Variants in RNF44 observed in about 807,000 individuals in gnomAD.
RNF44 encodes ring finger protein 44.
Under a neutral mutation model 53.6 loss-of-function variants are expected in RNF44, and 25 were observed. The observed-to-expected ratio is 0.47, with a 90% CI of 0.34 to 0.65. The LOEUF is 0.65. RNF44 is among the 30% of genes least tolerant of loss of function. The pLI, the probability that RNF44 is intolerant of heterozygous loss-of-function variation, is 0.01. For missense variants in RNF44, 581 were observed against 595.5 expected (o/e 0.98, Z 0.25); for synonymous variants, 282 against 252.2 (o/e 1.12, Z -1.12).
At position 176,532,469 on chromosome 5, in the gene RNF44, G is replaced by A. The variant is rs1223200788; in HGVS notation, c.4C>T (p.Arg2Ter). 1.3e-6 allele frequency: 2 copies of A among 1,569,512 alleles called. No individual in the cohort carries two copies. The highest frequency in any genetic ancestry group is 1.8e-5 in the Admixed American group (1 of 56,976). The stretch of plus-strand genomic sequence containing the variant: ...CTAGTCACTGCCAGAGCCCATGGTC[G>A]CATCGGGGGGGCAGGGGGGTGGAGG... The part of the protein sequence containing the change: M[R>*]PWALAVTRWP... The change falls in exon 2 of 11, where the codon CGA (arginine) becomes TGA (stop). Residue 2 changes from arginine (R) to a stop codon, truncating the protein, a stop_gained. Coordinates refer to ENST00000274811, the MANE Select transcript of RNF44 (RefSeq NM_014901.5). LOFTEE classifies it high-confidence loss of function.
Position 176,529,601 on chromosome 5 carries a change from C to A in RNF44, c.1058G>T (p.Arg353Leu), listed in dbSNP as rs753525594. ...CTCTATGTCTGCTTTGGTGAGACCCCGGGGCTTGGCATCTCCCAGCCGCTC... is the reference window on the plus strand; with the variant it reads ...CTCTATGTCTGCTTTGGTGAGACCCAGGGGCTTGGCATCTCCCAGCCGCTC... The part of the protein sequence containing the change: ...LAERLGDAKP[R>L]GLTKADIEQL... The change falls in exon 9 of 11, where the codon CGG becomes CTG. Residue 353 changes from arginine to leucine, a missense_variant. Physicochemically the swap from Arg to Leu is moderately radical, Grantham distance 102. Coordinates refer to ENST00000274811, the MANE Select transcript of RNF44 (RefSeq NM_014901.5). 6.2e-7 allele frequency: 1 copy of A among 1,613,940 alleles called. No individual in the cohort carries two copies. The highest frequency in any genetic ancestry group is 8.5e-7 in the Non-Finnish European group (1 of 1,180,024).
In RNF44 at chr5:176,528,596, C is replaced by T; in HGVS notation, c.*432G>A. 1 of 195,080 alleles carries T rather than the reference C, an allele frequency of 5.1e-6. No individual in the cohort carries two copies. The highest frequency in any genetic ancestry group is 2.3e-5 in the African/African-American group (1 of 42,614). 12.1% of individuals were successfully genotyped at this position (195,080 alleles called of 1,614,324 possible). ...TGACACCGTCTGTCTACGCACCTGG[C>T]AGTGCCACCTGGGCAGAGGGCACGC... is the stretch of plus-strand genomic sequence containing the variant. On this transcript the variant is annotated 3_prime_UTR_variant, in exon 11 of 11. Coordinates refer to ENST00000274811, the MANE Select transcript of RNF44 (RefSeq NM_014901.5).
At position 176,532,024 on chromosome 5, in the gene RNF44, T is replaced by A. The variant is rs201280395; in HGVS notation, c.277A>T (p.Met93Leu). Reference sequence around the variant, plus strand: ...CCTACCTGCTCGTGGAGATCAACCATGAACGGGCTCTGCTGGGTGGCTGGG... The same window carrying A: ...CCTACCTGCTCGTGGAGATCAACCAAGAACGGGCTCTGCTGGGTGGCTGGG... ...LHPATQQSPF[M>L]VDLHEQVHQG... Residue 93 changes from methionine to leucine, a missense_variant, in exon 3 of 11, where the codon ATG (methionine) becomes TTG (leucine). Physicochemically the swap from Met to Leu is conservative, Grantham distance 15. Coordinates refer to ENST00000274811, the MANE Select transcript of RNF44 (RefSeq NM_014901.5). 1 of 1,611,148 alleles carries A rather than the reference T, an allele frequency of 6.2e-7. No individual in the cohort carries two copies. Among genetic ancestry groups the A allele is most frequent in the Non-Finnish European group, 8.5e-7 (1 of 1,178,694 alleles).
At position 176,531,809 on chromosome 5, in the gene RNF44, C is replaced by T. The variant is rs1009933420; in HGVS notation, c.298-179G>A. 9 of 864,108 alleles carry T rather than the reference C, an allele frequency of 1.0e-5. No individual in the cohort carries two copies. The highest frequency in any genetic ancestry group is 6.8e-5 in the African/African-American group (4 of 58,448). 53.5% of individuals were successfully genotyped at this position (864,108 alleles called of 1,614,324 possible). On this transcript the variant is annotated intron_variant, in intron 3 of 10. Transcript: ENST00000274811. This position sits in a 1 kb window ranked among gnomAD's most constrained non-coding sequence, Gnocchi z 4.2. Reference sequence around the variant, plus strand: ...CAGGCCCCCGGGGCAGAGAAAGCCCCGTGGGAATCTAGCTCTGCTAGTCAC... The same window carrying T: ...CAGGCCCCCGGGGCAGAGAAAGCCCTGTGGGAATCTAGCTCTGCTAGTCAC...
chr5:176,530,117 T>TGGG lies in RNF44; in HGVS notation c.888_890dup (p.Pro299dup). The TGGG allele has an allele frequency of 8.0e-6, 1 of 125,170 alleles. No homozygotes were observed. The highest frequency in any genetic ancestry group is 9.2e-6 in the Non-Finnish European group (1 of 108,260). 7.8% of individuals were successfully genotyped at this position (125,170 alleles called of 1,614,324 possible). On this transcript the variant is annotated inframe_insertion, in exon 7 of 11. Coordinates refer to ENST00000274811, the MANE Select transcript of RNF44 (RefSeq NM_014901.5). Reference sequence around the variant, plus strand: ...GCAGGAAGCTGGGGTAGTAGGGTGGTGGGGGTGGGGGTGGGGGCGGCGGGG... The same window carrying TGGG: ...GCAGGAAGCTGGGGTAGTAGGGTGGTGGGGGGGGTGGGGGTGGGGGCGGCGGGG...
At position 176,529,371 on chromosome 5, in the gene RNF44, T is replaced by C. The variant is rs1260075828; in HGVS notation, c.1153A>G (p.Ser385Gly). Residue 385 changes from serine (S) to glycine (G), a missense_variant, in exon 10 of 11, where the codon AGT becomes GGT. Around this residue, in one of 3 missense-constraint regions of RNF44, gnomAD observed 183 missense variants for 198.6 expected, o/e 0.92. Transcript: ENST00000274811. ...SEQTLCVVCF[S>G]DFEARQLLRV... ...AGCAGCTGCCGCGCCTCGAAGTCAC[T>C]GAAGCAGACCACACACCTGTGGAGG... 1.2e-6 allele frequency: 2 copies of C among 1,613,200 alleles called. No individual in the cohort carries two copies. Among genetic ancestry groups the C allele is most frequent in the African/African-American group, 2.7e-5 (2 of 74,932 alleles).
At chr5:176,535,836 T>C (rs559601833) in intron 1 of RNF44, among the ~76,000 whole-genome samples, 1 of 152,300 alleles carries the variant, frequency 6.6e-6, no homozygotes, top group South Asian at 2.1e-4. Context: ...CACATCTCCA[T>C]GCTGTCCTAT....
chr5:176,538,181 G>T (rs766066817), upstream of RNF44, among the ~76,000 whole-genome samples: 110 of 152,236 alleles, frequency 7.2e-4, no homozygotes, highest in Non-Finnish European at 1.3e-3. Context: ...GGCTGGGCTT[G>T]AGAGTTTGGT....
chr5:176,542,039 G>A (rs537296781), upstream of RNF44, among the ~76,000 whole-genome samples: 5 of 148,094 alleles, frequency 3.4e-5, no homozygotes, highest in Admixed American at 6.6e-5. Flanking sequence ...GTGGCTGTGC[G>A]TGCAGATGGC....
intron 1 of RNF44, chr5:176,536,147 A>G (rs1327432227): frequency 1.3e-5 from 2 of 152,200 alleles, no homozygotes; most frequent in Admixed American, 1.3e-4. Context: ...ACCCGAAACA[A>G]GCAGGCTCTG....
At chr5:176,529,494 A>G in intron 9 of RNF44, 29 bp downstream of exon 9, 1 of 1,612,970 alleles carries the variant, frequency 6.2e-7, no homozygotes, top group African/African-American at 1.3e-5. Flanking sequence ...CTGTGTTCAG[A>G]GGGGTGGGAG....
At chr5:176,535,071 G>A (rs988622481) in intron 1 of RNF44, among the ~76,000 whole-genome samples, 2 of 152,220 alleles carry the variant, frequency 1.3e-5, no homozygotes, top group African/African-American at 4.8e-5. Flanking sequence ...AAGCAAGCCA[G>A]GAGACAGAAG....
rs1275588471 is a variant in RNF44, at chr5:176,528,861, G to C, written c.*167C>G. 2 of 648,788 alleles carry C rather than the reference G, an allele frequency of 3.1e-6. No homozygotes were observed. The highest frequency in any genetic ancestry group is 5.5e-5 in the East Asian group (2 of 36,384). 40.2% of individuals were successfully genotyped at this position (648,788 alleles called of 1,614,324 possible). A position where few individuals can be genotyped will look rare whatever the true frequency, so the allele number is the denominator to read the frequency against. ...TCTTTGGAGCTTGGCAAATGCAGGG[G>C]CTTATTGCAGGGACTCCTCGCTGGG... On this transcript the variant is annotated 3_prime_UTR_variant, in exon 11 of 11. Coordinates refer to ENST00000274811, the MANE Select transcript of RNF44 (RefSeq NM_014901.5).
At chr5:176,532,618 C>T in intron 1 of RNF44, 102 bp from the exon 2 acceptor site, 1 of 1,025,748 alleles carries the variant, frequency 9.7e-7, no homozygotes, top group Non-Finnish European at 1.4e-6. Flanking sequence ...TGGTGGACAC[C>T]TGTAATCCCA....
chr5:176,531,509 A>G lies in RNF44; in HGVS notation c.419T>C (p.Val140Ala), dbSNP rs1319476842. ...GGGGTAATGCTGCCCACTGAACATC[A>G]CGGAGCATGCTGGGAGCTGCTGGGC... is the stretch of plus-strand genomic sequence containing the variant. Reference protein sequence around the residue: ...CSAQQLPACSVMFSGQHYPLC... With the variant: ...CSAQQLPACSAMFSGQHYPLC... Residue 140 changes from valine to alanine, a missense_variant, in exon 4 of 11, where the codon GTG (valine) becomes GCG (alanine). Physicochemically the swap from Val to Ala is moderately conservative, Grantham distance 64. Around this residue, in one of 3 missense-constraint regions of RNF44, gnomAD observed 387 missense variants for 366.0 expected, o/e 1.06. Coordinates refer to ENST00000274811, the MANE Select transcript of RNF44 (RefSeq NM_014901.5). The surrounding 1 kb of genome is among the most constrained non-coding windows in gnomAD (Gnocchi z 4.2). 2 of 1,600,396 alleles carry G rather than the reference A, an allele frequency of 1.2e-6. No individual in the cohort carries two copies. Among genetic ancestry groups the G allele is most frequent in the Admixed American group, 1.7e-5 (1 of 57,714 alleles).
rs1219816722 is a variant in RNF44, at chr5:176,528,970, C to A, written c.*58G>T. On this transcript the variant is annotated 3_prime_UTR_variant, in exon 11 of 11. Transcript: ENST00000274811. Reference sequence around the variant, plus strand: ...CTCCCTCCCCATCCTCCCTGGGCCCCACCCACAAGTTTCCAGAGCTTCAGG... The same window carrying A: ...CTCCCTCCCCATCCTCCCTGGGCCCAACCCACAAGTTTCCAGAGCTTCAGG... The A allele has an allele frequency of 6.5e-7, 1 of 1,545,788 alleles. No individual in the cohort carries two copies. Among genetic ancestry groups the A allele is most frequent in the African/African-American group, 1.4e-5 (1 of 73,820 alleles).
chr5:176,536,383 G>C (rs370366831), intron 1 of RNF44: 3 of 152,388 alleles, frequency 2.0e-5, no homozygotes, highest in Non-Finnish European at 4.4e-5. Context: ...ACACTAGTGG[G>C]GGAGGAAACC....
At chr5:176,540,465 T>C (rs564467838), upstream of RNF44, among the ~76,000 whole-genome samples, 1 of 152,368 alleles carries the variant, frequency 6.6e-6, no homozygotes, top group East Asian at 1.9e-4. Flanking sequence ...AAATCCTGCT[T>C]ATGCTTTGGG....
At position 176,532,082 on chromosome 5, in the gene RNF44, C is replaced by T. The variant is rs759062275; in HGVS notation, c.219G>A (p.Ser73=). 6.2e-6 allele frequency: 10 copies of T among 1,604,166 alleles called. No homozygotes were observed. The highest frequency in any genetic ancestry group is 5.4e-5 in the African/African-American group (4 of 74,638). ...PHLPVEERRA[S]APAGGSPRML... is the part of the protein sequence containing the mutation. ...TTCGGGGGCTCCCGCCGGCAGGAGC[C>T]GAGGCTCGGCGCTCCTCTACGGGGA... The change falls in exon 3 of 11, where the codon TCG becomes TCA. Residue 73 remains serine (S), a synonymous_variant. Coordinates refer to ENST00000274811, the MANE Select transcript of RNF44 (RefSeq NM_014901.5).
Sources: allele counts gnomAD v4.1 joint callset (sites outside exome capture counted in the v4.1 genomes callset), GRCh38; gene constraint gnomAD v4.1.1; regional missense constraint gnomAD v4.1.1; non-coding constraint Gnocchi (gnomAD v3.1); transcripts MANE v1.5; gene names NCBI Gene and HGNC (gene_info 2026-07-23, HGNC 2026-07-21).